RNF4: variants seen among roughly 807,000 people sequenced by gnomAD.
The protein encoded by RNF4 is ring finger protein 4.
Under a neutral mutation model 24.3 loss-of-function variants are expected in RNF4, and 7 were observed. The ratio of observed to expected loss-of-function variants is 0.29; its 90% CI spans 0.16 to 0.54. The LOEUF is 0.54. RNF4 is among the 20% of genes least tolerant of loss of function. The pLI, the probability that RNF4 is intolerant of heterozygous loss-of-function variation, is 0.95. For synonymous variants in RNF4, 83 were observed against 84.3 expected (o/e 0.98, Z 0.09); for missense variants, 209 against 248.5 (o/e 0.84, Z 1.07).
intron 3 of RNF4, among the ~76,000 whole-genome samples, chr4:2,500,274 G>T (rs115045410): frequency 1.3e-5 from 2 of 152,244 alleles, no homozygotes; most frequent in African/African-American, 4.8e-5. Context: ...GCTGGGAGGA[G>T]CAGAGGTTTC....
rs180765810 is a variant in RNF4, at chr4:2,506,781, G to A, written c.205-5175G>A. ...GACAAGGTCTTACCGTATTGCCCAG[G>A]GTGGTCTCAAACTCCTGGGCTCAAG... On this transcript the variant is annotated intron_variant, in intron 4 of 7. Coordinates refer to ENST00000314289, the MANE Select transcript of RNF4 (RefSeq NM_002938.5). Among the ~76,000 whole-genome samples, 64 of 152,050 alleles carry A rather than the reference G, an allele frequency of 4.2e-4. 1 individual carries two copies. Among genetic ancestry groups the A allele is most frequent in the Admixed American group, 1.3e-3 (20 of 15,254 alleles).
chr4:2,498,782 G>A (rs1735818187), intron 3 of RNF4, among the ~76,000 whole-genome samples: 1 of 152,110 alleles, frequency 6.6e-6, no homozygotes. Context: ...TTAGCCAAGT[G>A]TGGGAGGCTG....
At chr4:2,493,495 G>A (rs1271512790) in intron 2 of RNF4, among the ~76,000 whole-genome samples, 2 of 151,942 alleles carry the variant, frequency 1.3e-5, no homozygotes, top group African/African-American at 2.4e-5. Flanking sequence ...AGAAAGACTT[G>A]GTCTGCTACA....
intron 2 of RNF4, among the ~76,000 whole-genome samples, chr4:2,494,373 CTT>C (rs753327529): frequency 5.7e-4 from 56 of 98,198 alleles, no homozygotes; most frequent in South Asian, 3.1e-3. Flanking sequence ...CAACTTAGAA[CTT>C]TTTTTTTTTT....
chr4:2,482,622 G>A (rs1447385816), intron 1 of RNF4, among the ~76,000 whole-genome samples: 1 of 152,222 alleles, frequency 6.6e-6, no homozygotes, highest in Non-Finnish European at 1.5e-5. Context: ...GGCCCCTGGG[G>A]ATTTTGGTTG....
intron 1 of RNF4, chr4:2,489,730 A>G (rs548809571): frequency 6.6e-6 from 1 of 152,334 alleles, no homozygotes; most frequent in African/African-American, 2.4e-5. Context: ...CGCTGAGTTT[A>G]CCGTGGTCGG....
chr4:2,479,441 T>C (rs1437544891), intron 1 of RNF4, among the ~76,000 whole-genome samples: 3 of 152,130 alleles, frequency 2.0e-5, no homozygotes, highest in Non-Finnish European at 4.4e-5. Context: ...AATTTCCACA[T>C]GTGGGAGGGA....
At chr4:2,492,458 G>A (rs115321251) in intron 2 of RNF4, among the ~76,000 whole-genome samples, 549 of 152,348 alleles carry the variant, frequency 3.6e-3, no homozygotes, top group African/African-American at 0.01. Context: ...TACTGACAGA[G>A]TTCTCACTGC....
chr4:2,479,305 A>C (rs1735176752), intron 1 of RNF4, among the ~76,000 whole-genome samples: 1 of 152,184 alleles, frequency 6.6e-6, no homozygotes, highest in South Asian at 2.1e-4. Context: ...TAATGCTGAA[A>C]TGAGTTAAGA....
intron 1 of RNF4, among the ~76,000 whole-genome samples, chr4:2,476,705 T>TC (rs1553876949): frequency 9.9e-5 from 8 of 80,498 alleles, no homozygotes; most frequent in Non-Finnish European, 1.8e-4. Flanking sequence ...TCTTTCTTTC[T>TC]TTTTTTTTTT....
intron 2 of RNF4, among the ~76,000 whole-genome samples, chr4:2,491,424 C>G (rs954127464): frequency 6.6e-6 from 1 of 151,978 alleles, no homozygotes; most frequent in South Asian, 2.1e-4. Flanking sequence ...TTAATAGAGA[C>G]CAGTTTTTGC....
chr4:2,503,517 C>T (rs1203859), intron 4 of RNF4, among the ~76,000 whole-genome samples: 29,052 of 152,138 alleles, frequency 0.19, 3,039 homozygotes, highest in East Asian at 0.27. Context: ...CTCACACTGT[C>T]CTCAGTGTTG....
chr4:2,492,720 G>A (rs756536346), intron 2 of RNF4, among the ~76,000 whole-genome samples: 6 of 151,998 alleles, frequency 3.9e-5, no homozygotes, highest in African/African-American at 9.7e-5. Flanking sequence ...CTTCCTGGCC[G>A]CCATTGTGCT....
At chr4:2,469,683 T>C (rs750461484) in intron 1 of RNF4, 7 of 152,332 alleles carry the variant, frequency 4.6e-5, no homozygotes, top group Non-Finnish European at 1.0e-4. Context: ...CCCGCCATCG[T>C]GGGGCCTGCG....
At chr4:2,493,763 A>AAG in intron 2 of RNF4, among the ~76,000 whole-genome samples, 1 of 151,518 alleles carries the variant, frequency 6.6e-6, no homozygotes, top group Middle Eastern at 3.4e-3. Context: ...AAAAAAAAAA[A>AAG]AAGACTTGGC....
chr4:2,469,915 G>C (rs928994430), intron 1 of RNF4: 5 of 152,318 alleles, frequency 3.3e-5, no homozygotes, highest in Non-Finnish European at 5.9e-5. Flanking sequence ...TCACCGCTCT[G>C]GCGCGCCTAT....
intron 1 of RNF4, among the ~76,000 whole-genome samples, chr4:2,470,255 G>T (rs1236250147): frequency 6.6e-6 from 1 of 152,214 alleles, no homozygotes; most frequent in Non-Finnish European, 1.5e-5. Flanking sequence ...TTTGGCAGCA[G>T]ATGAGGTTAA....
intron 1 of RNF4, among the ~76,000 whole-genome samples, chr4:2,472,318 T>G (rs1051533516): frequency 6.6e-6 from 1 of 152,200 alleles, no homozygotes; most frequent in Non-Finnish European, 1.5e-5. Flanking sequence ...AAAAAAAGAT[T>G]TCTTTCAAAA....
intron 4 of RNF4, 121 bp downstream of exon 4, chr4:2,500,859 A>G (rs927344304): frequency 1.1e-5 from 9 of 839,264 alleles, no homozygotes; most frequent in Non-Finnish European, 1.7e-5. Flanking sequence ...AAAGAAGTTC[A>G]TGCATCTTGT....
Sources: gnomAD v4.1 joint callset for allele counts (sites outside exome capture counted in the v4.1 genomes callset) on GRCh38, gnomAD v4.1.1 for gene constraint, MANE v1.5 for transcripts, NCBI Gene and HGNC (gene_info 2026-07-23, HGNC 2026-07-21) for gene names.